The following TOX variants were observed in gnomAD, a reference collection of about 807,000 sequenced individuals.
TOX encodes the protein thymocyte selection-associated high mobility group box protein TOX.
TOX carries 11 observed loss-of-function variants against 53.7 expected under a neutral mutation model. That is an observed-to-expected ratio of 0.20 (90% CI 0.13 to 0.34). The LOEUF is 0.34. TOX is among the 10% of genes least tolerant of loss of function. TOX has a pLI of 1.00. For missense variants in TOX, 570 were observed against 664.6 expected (o/e 0.86, Z 1.56); for synonymous variants, 225 against 245.3 (o/e 0.92, Z 0.77).
chr8:59,066,192 A>G (rs1804090413), intron 1 of TOX, among the ~76,000 whole-genome samples: 1 of 152,240 alleles, frequency 6.6e-6, no homozygotes, highest in Non-Finnish European at 1.5e-5. Flanking sequence ...GTTGTGCCAA[A>G]TAAAGTTTCC....
At position 59,054,654 on chromosome 8, in the gene TOX, C is replaced by G. The variant is rs1009498085; in HGVS notation, c.102+64232G>C. On this transcript the variant is annotated intron_variant, in intron 1 of 8. Coordinates refer to ENST00000361421, the MANE Select transcript of TOX (RefSeq NM_014729.3). Reference sequence around the variant, plus strand: ...AATTATATTAAAGGCCGACTCGTTACAACTTTGAAAAAGGAAGTTTCCTCG... The same window carrying G: ...AATTATATTAAAGGCCGACTCGTTAGAACTTTGAAAAAGGAAGTTTCCTCG... Among the ~76,000 whole-genome samples the G allele has an allele frequency of 3.3e-5, 5 of 152,064 alleles. No individual in the cohort carries two copies. The East Asian group carries it at 7.7e-4, about 24-fold the overall frequency.
At chr8:58,886,239 A>G (rs1458913918) in intron 3 of TOX, among the ~76,000 whole-genome samples, 1 of 152,172 alleles carries the variant, frequency 6.6e-6, no homozygotes, top group Non-Finnish European at 1.5e-5. Context: ...ACCCTCATAC[A>G]TGCTAAATTC....
At chr8:59,078,848 C>T (rs1804340228) in intron 1 of TOX, among the ~76,000 whole-genome samples, 1 of 152,164 alleles carries the variant, frequency 6.6e-6, no homozygotes, top group Non-Finnish European at 1.5e-5. Context: ...ATGTTTGTGA[C>T]CAAAATGCTG....
intron 1 of TOX, among the ~76,000 whole-genome samples, chr8:59,115,846 T>C (rs1330135299): frequency 6.6e-6 from 1 of 152,178 alleles, no homozygotes; most frequent in Non-Finnish European, 1.5e-5. Flanking sequence ...CTACTTTGCA[T>C]AGTGATATGT....
chr8:58,927,735 G>T (rs546237762), intron 3 of TOX, among the ~76,000 whole-genome samples: 16 of 152,282 alleles, frequency 1.1e-4, no homozygotes, highest in African/African-American at 3.4e-4. Context: ...GTTCTGAGGA[G>T]GTGAATAACA....
At chr8:58,982,446 T>G (rs972582717) in intron 1 of TOX, among the ~76,000 whole-genome samples, 1 of 152,188 alleles carries the variant, frequency 6.6e-6, no homozygotes, top group Non-Finnish European at 1.5e-5. Flanking sequence ...AAGACGCCTA[T>G]CAGAATCTCA....
chr8:58,858,639 C>A (rs1392968182), intron 3 of TOX, among the ~76,000 whole-genome samples: 2 of 152,248 alleles, frequency 1.3e-5, no homozygotes, highest in African/African-American at 4.8e-5. Context: ...TCAAGCCCGT[C>A]CATTTACCCC....
chr8:58,853,873 A>G (rs1810866787), intron 3 of TOX, among the ~76,000 whole-genome samples: 2 of 152,230 alleles, frequency 1.3e-5, no homozygotes, highest in Admixed American at 1.3e-4. Context: ...AGAGGGTACC[A>G]TGAAAATTAG....
chr8:59,095,689 T>A (rs565378946), intron 1 of TOX, among the ~76,000 whole-genome samples: 3 of 152,316 alleles, frequency 2.0e-5, no homozygotes, highest in African/African-American at 7.2e-5. Context: ...CGTGAGCCAC[T>A]GCGCCCAGAC....
At chr8:59,072,373 G>C (rs1804212475) in intron 1 of TOX, among the ~76,000 whole-genome samples, 1 of 152,154 alleles carries the variant, frequency 6.6e-6, no homozygotes, top group Non-Finnish European at 1.5e-5. Flanking sequence ...GAATTTCCTG[G>C]TGTTTTGCCA....
At chr8:58,925,257 G>A (rs1164369581) in intron 3 of TOX, among the ~76,000 whole-genome samples, 1 of 152,188 alleles carries the variant, frequency 6.6e-6, no homozygotes, top group African/African-American at 2.4e-5. Flanking sequence ...TGCAAATCAT[G>A]TCAGTTACAG....
At chr8:59,096,098 C>A (rs1804707620) in intron 1 of TOX, among the ~76,000 whole-genome samples, 2 of 152,104 alleles carry the variant, frequency 1.3e-5, no homozygotes, top group Admixed American at 1.3e-4. Context: ...AGAGGTAATA[C>A]CAATTAAAGG....
chr8:58,826,763 A>G, intron 6 of TOX, 59 bp downstream of exon 6: 1 of 1,470,318 alleles, frequency 6.8e-7, no homozygotes. Context: ...TTAAGTGACT[A>G]TCAAAGTCTG....
chr8:59,061,526 A>T (rs1351161880), intron 1 of TOX, among the ~76,000 whole-genome samples: 1 of 152,096 alleles, frequency 6.6e-6, no homozygotes, highest in Non-Finnish European at 1.5e-5. Context: ...TTTTTAAATA[A>T]ATGTTTTAAA....
At position 59,107,056 on chromosome 8, in the gene TOX, G is replaced by A. The variant is rs537120469; in HGVS notation, c.102+11830C>T. Reference sequence around the variant, plus strand: ...TATAAAGCAGTTTGCTGGGGGGGGGGGGAACGTGACATTTCTAATTCATTC... The same window carrying A: ...TATAAAGCAGTTTGCTGGGGGGGGGAGGAACGTGACATTTCTAATTCATTC... On this transcript the variant is annotated intron_variant, in intron 1 of 8. Transcript: ENST00000361421. Among the ~76,000 whole-genome samples, 2 of 126,774 alleles carry A rather than the reference G, an allele frequency of 1.6e-5. 1 individual carries two copies. Among genetic ancestry groups the A allele is most frequent in the African/African-American group, 6.3e-5 (2 of 31,994 alleles). The allele number at this position is 126,774 out of a possible 152,430, so 83.2% of individuals were successfully genotyped here. A position where few individuals can be genotyped will look rare whatever the true frequency, so the allele number is the denominator to read the frequency against.
At chr8:58,873,543 C>G (rs953384170) in intron 3 of TOX, among the ~76,000 whole-genome samples, 2 of 152,060 alleles carry the variant, frequency 1.3e-5, no homozygotes, top group African/African-American at 2.4e-5. Context: ...GTCTTTTTAA[C>G]CAAGGAACTA....
chr8:59,105,394 T>C (rs1804883326), intron 1 of TOX, among the ~76,000 whole-genome samples: 1 of 152,144 alleles, frequency 6.6e-6, no homozygotes, highest in Non-Finnish European at 1.5e-5. Flanking sequence ...TTTCCTTGCC[T>C]AAGCTCTCAG....
chr8:59,072,139 G>A (rs956907250), intron 1 of TOX, among the ~76,000 whole-genome samples: 11 of 152,086 alleles, frequency 7.2e-5, no homozygotes, highest in African/African-American at 1.4e-4. Flanking sequence ...TGTTGACATC[G>A]TTGTAGTTCA....
chr8:59,087,557 A>G (rs1804534270), intron 1 of TOX, among the ~76,000 whole-genome samples: 1 of 152,222 alleles, frequency 6.6e-6, no homozygotes, highest in African/African-American at 2.4e-5. Context: ...CATAAATTTC[A>G]AAGATATATT....
Sources: allele counts gnomAD v4.1 joint callset (sites outside exome capture counted in the v4.1 genomes callset), GRCh38; gene constraint gnomAD v4.1.1; transcripts MANE v1.5; gene names NCBI Gene and HGNC (gene_info 2026-07-23, HGNC 2026-07-21).